The following BRD4 variants were observed in gnomAD, a reference collection of about 807,000 sequenced individuals.
BRD4 encodes the protein bromodomain-containing protein 4.
Under a neutral mutation model 142.1 loss-of-function variants are expected in BRD4, and 16 were observed. That is an observed-to-expected ratio of 0.11 (90% confidence interval 0.08 to 0.17). The LOEUF is 0.17. BRD4 is among the 10% of genes least tolerant of loss of function. The pLI is 1.00. For missense variants in BRD4, 1,424 were observed against 1,810.9 expected (o/e 0.79, Z 3.88); for synonymous variants, 833 against 707.5 (o/e 1.18, Z -2.82).
At chr19:15,290,653 T>C (rs1464836523) in intron 1 of BRD4, among the ~76,000 whole-genome samples, 1 of 152,178 alleles carries the variant, frequency 6.6e-6, no homozygotes, top group Middle Eastern at 3.2e-3. Flanking sequence ...GGCAAACAGC[T>C]AATCTGGCCA....
chr19:15,277,086 A>G (rs1184698279), intron 1 of BRD4, among the ~76,000 whole-genome samples: 1 of 152,142 alleles, frequency 6.6e-6, no homozygotes, highest in African/African-American at 2.4e-5. Flanking sequence ...AAGATTAAAA[A>G]CTGCTGCTCC....
At chr19:15,262,252 G>T (rs1047728824) in intron 7 of BRD4, among the ~76,000 whole-genome samples, 1 of 152,178 alleles carries the variant, frequency 6.6e-6, no homozygotes, top group Non-Finnish European at 1.5e-5. Context: ...CCTGGAAGCA[G>T]ATGGCTGCGA....
chr19:15,243,135 T>C lies in BRD4; in HGVS notation c.2934A>G (p.Pro978=). ...QQLQQQPPPP[P]PPQPQPPPQQ... is the part of the protein sequence containing the mutation. Reference sequence around the variant, plus strand: ...GGGGTGGAGGCTGGGGCTGGGGTGGTGGGGGTGGTGGCGGCTGCTGCTGCA... The same window carrying C: ...GGGGTGGAGGCTGGGGCTGGGGTGGCGGGGGTGGTGGCGGCTGCTGCTGCA... Residue 978 remains proline (P), a synonymous_variant, in exon 14 of 20, where the codon CCA becomes CCG. Transcript: ENST00000679869. 2 of 142,822 alleles carry C rather than the reference T, an allele frequency of 1.4e-5. No individual in the cohort carries two copies. The highest frequency in any genetic ancestry group is 3.0e-3 in the Middle Eastern group (1 of 336). 8.8% of individuals were successfully genotyped at this position (142,822 alleles called of 1,614,324 possible).
At chr19:15,331,362 T>A (rs1449174129) in intron 1 of BRD4, among the ~76,000 whole-genome samples, 1 of 152,166 alleles carries the variant, frequency 6.6e-6, no homozygotes, top group East Asian at 1.9e-4. Flanking sequence ...AGGGGGATCA[T>A]TTTATTTCGC....
chr19:15,255,740 C>A, intron 9 of BRD4, 148 bp from the exon 10 acceptor site: 3 of 1,108,102 alleles, frequency 2.7e-6, no homozygotes, highest in South Asian at 1.6e-5. Flanking sequence ...ATGGGCAACT[C>A]AATCTCTGGG....
intron 11 of BRD4, chr19:15,247,039 C>G (rs2047294126): frequency 5.3e-6 from 1 of 189,500 alleles, no homozygotes; most frequent in Non-Finnish European, 1.1e-5. Context: ...GAAAGGGTTA[C>G]ATGAAGATGG....
At chr19:15,261,308 AC>A (rs763075293) in intron 7 of BRD4, among the ~76,000 whole-genome samples, 7 of 151,962 alleles carry the variant, frequency 4.6e-5, no homozygotes, top group African/African-American at 1.4e-4. Context: ...AATCGGCAAA[AC>A]CCCCTCTCTA....
intron 2 of BRD4, among the ~76,000 whole-genome samples, chr19:15,270,074 T>C (rs559466427): frequency 7.2e-5 from 11 of 152,330 alleles, no homozygotes; most frequent in East Asian, 5.8e-4. Context: ...TCACTCTGAC[T>C]GAGGACAGGT....
rs183906706 is a variant in BRD4, at chr19:15,296,434, T to C, written c.-34-23301A>G. 9.2e-5 allele frequency among the ~76,000 whole-genome samples: 14 copies of C among 152,236 alleles called. No homozygotes were observed. The East Asian group carries it at 2.3e-3, about 25-fold the overall frequency. On this transcript the variant is annotated intron_variant, in intron 1 of 19. Coordinates refer to ENST00000679869, the MANE Select transcript of BRD4 (RefSeq NM_001379291.1). ...TCTTCCAAGTGCATATTGGCATGGA[T>C]AGTATCTAGTGAGTGCTTCGCAGGT... is the stretch of plus-strand genomic sequence containing the variant.
At chr19:15,262,808 T>C (rs932000683) in intron 7 of BRD4, among the ~76,000 whole-genome samples, 3 of 152,182 alleles carry the variant, frequency 2.0e-5, no homozygotes, top group African/African-American at 7.2e-5. Flanking sequence ...AACCCAATCT[T>C]ATTATTCAAA....
chr19:15,270,024 C>T (rs2145616353), intron 2 of BRD4, among the ~76,000 whole-genome samples: 1 of 152,354 alleles, frequency 6.6e-6, no homozygotes, highest in East Asian at 1.9e-4. Flanking sequence ...CCAGCTCAGG[C>T]TGTTGGCCTG....
chr19:15,244,854 C>G (rs1463482924), intron 11 of BRD4, 92 bp from the exon 12 acceptor site: 1 of 1,600,870 alleles, frequency 6.2e-7, no homozygotes, highest in South Asian at 1.1e-5. Flanking sequence ...AGGGCACTTT[C>G]AGGAGAAGGA....
chr19:15,253,205 G>A (rs1356620898), intron 11 of BRD4: 1 of 360,524 alleles, frequency 2.8e-6, no homozygotes, highest in Non-Finnish European at 5.1e-6. Context: ...AACCCCGTTG[G>A]CCGTAAACAC....
rs181780216 is a variant in BRD4 at position 15,265,949 on chromosome 19, G to T, written c.560-306C>A. Among the ~76,000 whole-genome samples, 13 of 152,302 alleles carry T rather than the reference G, an allele frequency of 8.5e-5. No individual in the cohort carries two copies. In the East Asian group the frequency reaches 2.5e-3, roughly 30 times the overall value. On this transcript the variant is annotated intron_variant, in intron 4 of 19. Transcript: ENST00000679869. ...GAGCAGGAAGCACATGCTGACAGGGGACAGAGAGCGGGAAAACACTCCTCA... is the reference window on the plus strand; with the variant it reads ...GAGCAGGAAGCACATGCTGACAGGGTACAGAGAGCGGGAAAACACTCCTCA...
chr19:15,279,920 T>C (rs530701197), intron 1 of BRD4, among the ~76,000 whole-genome samples: 3 of 152,248 alleles, frequency 2.0e-5, no homozygotes, highest in East Asian at 1.9e-4. Context: ...AGCACACAGG[T>C]AGAAAGACGC....
At chr19:15,313,347 T>C (rs2047989385) in intron 1 of BRD4, among the ~76,000 whole-genome samples, 1 of 134,230 alleles carries the variant, frequency 7.4e-6, no homozygotes, top group South Asian at 2.4e-4. Flanking sequence ...CACTCCAGCC[T>C]GGGCAACAAA....
At chr19:15,248,215 C>CA (rs2047308735) in intron 11 of BRD4, 1 of 220,416 alleles carries the variant, frequency 4.5e-6, no homozygotes, top group Non-Finnish European at 9.1e-6. Context: ...ATTTTTAGAG[C>CA]AAAAAAGCCT....
At position 15,237,120 on chromosome 19, in the gene BRD4, C is replaced by T. The variant is rs1345258194; in HGVS notation, c.*1257G>A. The T allele has an allele frequency of 1.9e-5, 4 of 212,134 alleles. No individual in the cohort carries two copies. Among genetic ancestry groups the T allele is most frequent in the Admixed American group, 5.9e-5 (1 of 16,928 alleles). The allele number at this position is 212,134 out of a possible 1,614,324, so 13.1% of individuals were successfully genotyped here. On this transcript the variant is annotated 3_prime_UTR_variant, in exon 20 of 20. Transcript: ENST00000679869. ...CTTAGTCTGTGGCGCCCCCAGGGCC[C>T]GGTTCCCACCTCATCCCTTGGCCCT... is the stretch of plus-strand genomic sequence containing the variant.
At chr19:15,273,333 G>A (rs987484071) in intron 1 of BRD4, among the ~76,000 whole-genome samples, 200 bp from the exon 2 acceptor site, 1 of 152,176 alleles carries the variant, frequency 6.6e-6, no homozygotes, top group Non-Finnish European at 1.5e-5. Context: ...CTCCAGCAGG[G>A]AGGAGACCAC....
Sources: gnomAD v4.1 joint callset for allele counts (sites outside exome capture counted in the v4.1 genomes callset) on GRCh38, gnomAD v4.1.1 for gene constraint, MANE v1.5 for transcripts, NCBI Gene and HGNC (gene_info 2026-07-23, HGNC 2026-07-21) for gene names.